Variants in PIK3R4 observed in about 807,000 individuals in gnomAD.
The protein encoded by PIK3R4 is phosphoinositide 3-kinase regulatory subunit 4.
In PIK3R4, 46 loss-of-function variants were observed where a neutral mutation model predicts 136.5. The observed-to-expected ratio is 0.34, with a 90% CI of 0.27 to 0.43. The LOEUF (loss-of-function observed/expected upper bound fraction) is 0.43, where lower values mean the gene tolerates loss of function less well. Among genes scored for constraint, PIK3R4 ranks in the 20% least tolerant of loss-of-function variants. The pLI is 1.00. For synonymous variants in PIK3R4, 557 were observed against 566.7 expected (o/e 0.98, Z 0.24); for missense variants, 1,331 against 1,649.5 (o/e 0.81, Z 3.35).
intron 7 of PIK3R4, among the ~76,000 whole-genome samples, chr3:130,719,725 T>C (rs2066688200): frequency 6.6e-6 from 1 of 152,164 alleles, no homozygotes; most frequent in Non-Finnish European, 1.5e-5. Flanking sequence ...TTAACTTCCC[T>C]GTATCACACA....
chr3:130,727,510 A>AC (rs1171449521), intron 6 of PIK3R4, among the ~76,000 whole-genome samples: 1 of 147,132 alleles, frequency 6.8e-6, no homozygotes, highest in African/African-American at 2.6e-5. Context: ...GGCGTGAGCC[A>AC]CGGCGCCCGG....
At chr3:130,684,191 GTTA>G in intron 16 of PIK3R4, 56 bp downstream of exon 16, 1 of 1,497,558 alleles carries the variant, frequency 6.7e-7, no homozygotes, top group Non-Finnish European at 9.2e-7. Context: ...TTGGCAACAG[GTTA>G]TTATGTACTT....
chr3:130,743,591 T>C (rs1025450838), intron 2 of PIK3R4, among the ~76,000 whole-genome samples: 4 of 152,136 alleles, frequency 2.6e-5, no homozygotes, highest in African/African-American at 9.7e-5. Flanking sequence ...AGCATCACCA[T>C]CCACTCAGTT....
rs144265649 is a variant in PIK3R4, at chr3:130,709,399, A to G, written c.2332-907T>C. Among the ~76,000 whole-genome samples the G allele has an allele frequency of 9.7e-3, 1,481 of 152,212 alleles. 33 individuals carry two copies. Among genetic ancestry groups the G allele is most frequent in the African/African-American group, 0.033 (1,366 of 41,540 alleles). On this transcript the variant is annotated intron_variant, in intron 9 of 19. Coordinates refer to ENST00000356763, the MANE Select transcript of PIK3R4 (RefSeq NM_014602.3). ...ATCAGTTCTCCTGAGGCCTCAATCT[A>G]GAATCCCACTAGAGTTTAGAGTCAT...
chr3:130,694,875 C>T (rs549926182), intron 13 of PIK3R4, among the ~76,000 whole-genome samples: 2 of 152,170 alleles, frequency 1.3e-5, no homozygotes, highest in Non-Finnish European at 2.9e-5. Context: ...AGGGGGAAAG[C>T]TTTCAATCTT....
chr3:130,694,210 G>A (rs1411228343), intron 13 of PIK3R4, among the ~76,000 whole-genome samples: 1 of 151,940 alleles, frequency 6.6e-6, no homozygotes, highest in Non-Finnish European at 1.5e-5. Context: ...ACAGAAGTGT[G>A]AGTCCTTCAA....
intron 13 of PIK3R4, among the ~76,000 whole-genome samples, chr3:130,691,331 T>C (rs1347638547): frequency 6.6e-6 from 1 of 152,216 alleles, no homozygotes; most frequent in Non-Finnish European, 1.5e-5. Flanking sequence ...TGCCTCAGTT[T>C]ACTCATCTAC....
chr3:130,724,327 T>C (rs1576460783), intron 6 of PIK3R4, among the ~76,000 whole-genome samples: 1 of 152,124 alleles, frequency 6.6e-6, no homozygotes, highest in African/African-American at 2.4e-5. Flanking sequence ...ATTTAGTAAC[T>C]AGAAGAGGGA....
intron 12 of PIK3R4, 139 bp downstream of exon 12, chr3:130,705,422 T>G: frequency 1.6e-6 from 1 of 631,340 alleles, no homozygotes; most frequent in South Asian, 2.0e-5. Context: ...TCTTACTTAC[T>G]GCTTCTTCTT....
intron 13 of PIK3R4, among the ~76,000 whole-genome samples, 177 bp from the exon 14 acceptor site, chr3:130,690,831 C>T (rs554897210): frequency 4.0e-5 from 6 of 151,800 alleles, no homozygotes; most frequent in Admixed American, 1.3e-4. Context: ...CCTTTTCTTC[C>T]GATATTTTCA....
At chr3:130,683,144 G>C (rs922976175) in intron 16 of PIK3R4, among the ~76,000 whole-genome samples, 26 of 152,204 alleles carry the variant, frequency 1.7e-4, no homozygotes, top group African/African-American at 6.3e-4. Flanking sequence ...GCACCTAGCT[G>C]CCATTTACTG....
intron 9 of PIK3R4, among the ~76,000 whole-genome samples, chr3:130,712,990 T>A (rs1421764311): frequency 6.6e-6 from 1 of 152,250 alleles, no homozygotes; most frequent in Non-Finnish European, 1.5e-5. Context: ...CTCTGAAACT[T>A]ACTGCACTAT....
rs561971563 is a variant in PIK3R4, at chr3:130,692,808, C to A, written c.3099-2154G>T. 1.5e-4 allele frequency among the ~76,000 whole-genome samples: 23 copies of A among 152,298 alleles called. No homozygotes were observed. The South Asian group carries it at 4.1e-3, about 27-fold the overall frequency. ...GAGTGCCAATATGCTTGGTCTCTCACACACACTTAGGCTTTCTCTCCCCAT... is the reference window on the plus strand; with the variant it reads ...GAGTGCCAATATGCTTGGTCTCTCAAACACACTTAGGCTTTCTCTCCCCAT... On this transcript the variant is annotated intron_variant, in intron 13 of 19. Coordinates refer to ENST00000356763, the MANE Select transcript of PIK3R4 (RefSeq NM_014602.3).
chr3:130,744,612 C>T lies in PIK3R4; in HGVS notation c.607G>A (p.Val203Ile). 1.9e-6 allele frequency: 3 copies of T among 1,614,240 alleles called. No homozygotes were observed. Among genetic ancestry groups the T allele is most frequent in the Non-Finnish European group, 2.5e-6 (3 of 1,180,038 alleles). ...TCAGTGGCAAACATCCCACCATCAA[C>T]AAAACGTTCAGGAGCAATATAGCAA... ...RTCYIAPERF[V>I]DGGMFATELE... Residue 203 changes from valine to isoleucine, a missense_variant, in exon 2 of 20, where the codon GTT (valine) becomes ATT (isoleucine). By Grantham distance (29) the Val-to-Ile change is conservative (BLOSUM62 3). This residue lies in a region of PIK3R4 where 1,180 missense variants were observed against 1,407.0 expected (regional missense o/e 0.84). Coordinates refer to ENST00000356763, the MANE Select transcript of PIK3R4 (RefSeq NM_014602.3).
At chr3:130,727,469 C>T (rs2066739446) in intron 6 of PIK3R4, among the ~76,000 whole-genome samples, 1 of 152,156 alleles carries the variant, frequency 6.6e-6, no homozygotes, top group South Asian at 2.1e-4. Flanking sequence ...GTGATCCGCC[C>T]GCCTCGGCCT....
At chr3:130,697,063 CTTT>C (rs60432343) in intron 13 of PIK3R4, among the ~76,000 whole-genome samples, 2,600 of 72,592 alleles carry the variant, frequency 0.036, 2 homozygotes, top group East Asian at 0.044. Context: ...GCCACTCCAG[CTTT>C]TTTTTTTTTT....
chr3:130,698,314 A>T lies in PIK3R4; in HGVS notation c.3098+5409T>A, dbSNP rs548153223. On this transcript the variant is annotated intron_variant, in intron 13 of 19. Transcript: ENST00000356763. Reference sequence around the variant, plus strand: ...TGTCCCCTTTTCTCTCTCCTCTCCTACTGGAACTTTTATTATGCATGTGTG... The same window carrying T: ...TGTCCCCTTTTCTCTCTCCTCTCCTTCTGGAACTTTTATTATGCATGTGTG... Among the ~76,000 whole-genome samples the T allele has an allele frequency of 2.0e-5, 3 of 152,096 alleles. No individual in the cohort carries two copies. In the East Asian group the frequency reaches 5.8e-4, roughly 29 times the overall value.
chr3:130,709,416 T>G (rs544483369), intron 9 of PIK3R4, among the ~76,000 whole-genome samples: 22 of 152,260 alleles, frequency 1.4e-4, no homozygotes, highest in African/African-American at 5.1e-4. Flanking sequence ...CACTAGAGTT[T>G]AGAGTCATAT....
At chr3:130,689,880 T>C (rs1212579444) in intron 14 of PIK3R4, among the ~76,000 whole-genome samples, 1 of 152,248 alleles carries the variant, frequency 6.6e-6, no homozygotes, top group African/African-American at 2.4e-5. Flanking sequence ...CACATATTGG[T>C]CAAAAATTGT....
Sources: allele counts gnomAD v4.1 joint callset (sites outside exome capture counted in the v4.1 genomes callset), GRCh38; gene constraint gnomAD v4.1.1; regional missense constraint gnomAD v4.1.1; transcripts MANE v1.5; gene names NCBI Gene and HGNC (gene_info 2026-07-23, HGNC 2026-07-21).